Variants in MOCOS observed in about 807,000 individuals in gnomAD.
The protein encoded by MOCOS is human molybdenum cofactor sulfurase.
MOCOS carries 86 observed loss-of-function variants against 83.6 expected under a neutral mutation model. The ratio of observed to expected loss-of-function variants is 1.03; its 90% CI spans 0.86 to 1.23. The LOEUF (loss-of-function observed/expected upper bound fraction) is 1.23. Among genes scored for constraint, MOCOS ranks in the 50% most tolerant of loss-of-function variants. The pLI, the probability that MOCOS is intolerant of heterozygous loss-of-function variation, is 0.00. For synonymous variants in MOCOS, 445 were observed against 434.7 expected (o/e 1.02, Z -0.29); for missense variants, 1,120 against 1,126.9 (o/e 0.99, Z 0.09).
intron 13 of MOCOS, among the ~76,000 whole-genome samples, chr18:36,262,393 T>A (rs773869687): frequency 6.6e-6 from 1 of 151,962 alleles, no homozygotes; most frequent in Non-Finnish European, 1.5e-5. Context: ...CACTGTACTC[T>A]AGGCTGGGTC....
chr18:36,210,850 CAAAAAAAAAAAAAAAA>C (rs60856965), intron 6 of MOCOS, among the ~76,000 whole-genome samples: 4 of 48,070 alleles, frequency 8.3e-5, no homozygotes, highest in South Asian at 1.3e-3. Flanking sequence ...GACTCTGTCT[CAAAAAAAAAAAAAAAA>C]AAAAAAAAAA....
chr18:36,232,179 T>C (rs1278500401), intron 9 of MOCOS, among the ~76,000 whole-genome samples: 1 of 152,188 alleles, frequency 6.6e-6, no homozygotes, highest in Non-Finnish European at 1.5e-5. Context: ...TTTGCCATGT[T>C]GCCCAGGCTG....
chr18:36,194,339 G>A (rs991632834), intron 1 of MOCOS, among the ~76,000 whole-genome samples: 1 of 152,182 alleles, frequency 6.6e-6, no homozygotes, highest in Non-Finnish European at 1.5e-5. Context: ...TATTTGATAA[G>A]TGAATGAATG....
intron 12 of MOCOS, among the ~76,000 whole-genome samples, chr18:36,259,765 C>T (rs953599664): frequency 2.0e-5 from 3 of 152,214 alleles, no homozygotes; most frequent in Admixed American, 6.5e-5. Context: ...TCCTTCATCT[C>T]TTCAGCTAAG....
intron 2 of MOCOS, among the ~76,000 whole-genome samples, chr18:36,196,633 T>A (rs1355112816): frequency 2.0e-5 from 3 of 152,322 alleles, no homozygotes; most frequent in African/African-American, 4.8e-5. Flanking sequence ...GGATTTATCC[T>A]GATTTTAATC....
chr18:36,198,114 A>G (rs994706203), intron 2 of MOCOS, among the ~76,000 whole-genome samples: 5 of 152,100 alleles, frequency 3.3e-5, no homozygotes, highest in African/African-American at 1.2e-4. Flanking sequence ...CTGGCTGGGC[A>G]CAGTGGCTCA....
At position 36,187,701 on chromosome 18, in the gene MOCOS, T is replaced by C. The variant is rs373431975; in HGVS notation, c.142+20T>C. 5.6e-4 allele frequency: 701 copies of C among 1,260,462 alleles called. 3 individuals carry two copies. In the African/African-American group the frequency reaches 0.01, roughly 18 times the overall value. The allele number at this position is 1,260,462 out of a possible 1,614,324, so 78.1% of individuals were successfully genotyped here. A position where few individuals can be genotyped will look rare whatever the true frequency, so the allele number is the denominator to read the frequency against. Reference sequence around the variant, plus strand: ...TGGCAGGTGAGGCGGGCGGGCAGGCTTGGGGGACACGAGGTTTCTGGAACC... The same window carrying C: ...TGGCAGGTGAGGCGGGCGGGCAGGCCTGGGGGACACGAGGTTTCTGGAACC... On this transcript the variant is annotated intron_variant, in intron 1 of 14. Transcript: ENST00000261326.
intron 6 of MOCOS, among the ~76,000 whole-genome samples, chr18:36,206,380 G>A (rs1057307073): frequency 1.3e-5 from 2 of 150,904 alleles, no homozygotes; most frequent in African/African-American, 4.9e-5. Flanking sequence ...CTAAACAGCT[G>A]GGACTACGGA....
rs1050377626 is a variant in MOCOS, at chr18:36,263,761, T to G, written c.2410-2988T>G. 4.1e-4 allele frequency among the ~76,000 whole-genome samples: 63 copies of G among 152,346 alleles called. 1 individual carries two copies. The highest frequency in any genetic ancestry group is 1.3e-3 in the Admixed American group (20 of 15,304). On this transcript the variant is annotated intron_variant, in intron 13 of 14. Coordinates refer to ENST00000261326, the MANE Select transcript of MOCOS (RefSeq NM_017947.4). ...CTTTTAATTCTTCAAGCTTCTGTAT[T>G]GTTTGACTTGTTTTTTAATGAATAT...
rs34171207 is a variant in MOCOS at position 36,218,837 on chromosome 18, TTTTATTTATTTA to T, written c.1798-1182_1798-1171del. 6.2e-3 allele frequency among the ~76,000 whole-genome samples: 831 copies of T among 133,952 alleles called. 10 individuals carry two copies. Among genetic ancestry groups the T allele is most frequent in the East Asian group, 0.052 (244 of 4,648 alleles). 87.9% of individuals were successfully genotyped at this position (133,952 alleles called of 152,430 possible). ...GCCCAGCTCTACTCACTTTATTTTA[TTTTATTTATTTA>T]TTTATTTATTTATTTATTTATTTAT... On this transcript the variant is annotated intron_variant, in intron 8 of 14. Coordinates refer to ENST00000261326, the MANE Select transcript of MOCOS (RefSeq NM_017947.4).
chr18:36,232,706 C>G (rs1457674144), intron 9 of MOCOS, among the ~76,000 whole-genome samples: 1 of 152,136 alleles, frequency 6.6e-6, no homozygotes, highest in East Asian at 1.9e-4. Flanking sequence ...ATGAGATCAA[C>G]TTAAAAAATT....
chr18:36,198,844 G>T, intron 3 of MOCOS, 88 bp downstream of exon 3: 1 of 1,441,680 alleles, frequency 6.9e-7, no homozygotes, highest in South Asian at 1.2e-5. Flanking sequence ...CAAAAGTTCT[G>T]AGTTGGTTTC....
rs1017108499 is a variant in MOCOS, at chr18:36,239,192, G to T, written c.1961-9730G>T. 9.9e-5 allele frequency among the ~76,000 whole-genome samples: 15 copies of T among 152,148 alleles called. 1 individual carries two copies. The South Asian group carries it at 2.3e-3, about 23-fold the overall frequency. On this transcript the variant is annotated intron_variant, in intron 9 of 14. Transcript: ENST00000261326. ...TCCTGTCATTATGATGTTAGCTGGT[G>T]ATTTTGCTCGTTACTTGATGCAGTT... is the stretch of plus-strand genomic sequence containing the variant.
chr18:36,221,843 A>T (rs1361879647), intron 9 of MOCOS, among the ~76,000 whole-genome samples: 1 of 150,736 alleles, frequency 6.6e-6, no homozygotes, highest in African/African-American at 2.4e-5. Flanking sequence ...CTTGTGCTTC[A>T]GCCTCCCGAG....
At chr18:36,254,317 T>C (rs1218316767) in intron 11 of MOCOS, among the ~76,000 whole-genome samples, 2 of 152,204 alleles carry the variant, frequency 1.3e-5, no homozygotes, top group East Asian at 1.9e-4. Flanking sequence ...TGATTTCCAG[T>C]ATATTGTAAA....
chr18:36,269,553 T>G lies in MOCOS; in HGVS notation c.*868T>G, dbSNP rs146724180. ...CCAGTGAGGAAATCTCATTCTCTAA[T>G]GAAGTTACCCATCCCGCTGAGTTTC... is the stretch of plus-strand genomic sequence containing the variant. On this transcript the variant is annotated 3_prime_UTR_variant, in exon 15 of 15. Coordinates refer to ENST00000261326, the MANE Select transcript of MOCOS (RefSeq NM_017947.4). 7.3e-3 allele frequency: 1,119 copies of G among 152,392 alleles called. 3 individuals are homozygous for G. Among genetic ancestry groups the G allele is most frequent in the Middle Eastern group, 0.034 (10 of 294 alleles). 9.4% of individuals were successfully genotyped at this position (152,392 alleles called of 1,614,324 possible).
chr18:36,263,994 T>C (rs1431566842), intron 13 of MOCOS, among the ~76,000 whole-genome samples: 2 of 152,034 alleles, frequency 1.3e-5, no homozygotes, highest in East Asian at 1.9e-4. Flanking sequence ...CTGACCAACA[T>C]GCAGAACCCG....
At chr18:36,225,836 G>A (rs963790581) in intron 9 of MOCOS, among the ~76,000 whole-genome samples, 10 of 150,856 alleles carry the variant, frequency 6.6e-5, no homozygotes, top group Admixed American at 1.3e-4. Context: ...CCACATATTT[G>A]TGAATTTTTC....
intron 2 of MOCOS, among the ~76,000 whole-genome samples, chr18:36,196,443 A>G (rs67250984): frequency 0.15 from 22,371 of 152,052 alleles, 1,860 homozygotes; most frequent in East Asian, 0.32. Context: ...TGGAGCTTGG[A>G]GGAGCTAGAA....
Sources: gnomAD v4.1 joint callset for allele counts (sites outside exome capture counted in the v4.1 genomes callset) on GRCh38, gnomAD v4.1.1 for gene constraint, MANE v1.5 for transcripts, NCBI Gene and HGNC (gene_info 2026-07-23, HGNC 2026-07-21) for gene names.